The following DHX57 variants were observed in gnomAD, a reference collection of about 807,000 sequenced individuals.
DHX57 encodes DExH-box helicase 57.
A neutral mutation model predicts 156.2 loss-of-function variants in DHX57; 105 were observed. The ratio of observed to expected loss-of-function variants is 0.67; its 90% confidence interval spans 0.57 to 0.79. The LOEUF (loss-of-function observed/expected upper bound fraction) is 0.79, where lower values mean the gene tolerates loss of function less well. Ranked by LOEUF, DHX57 falls within the 30% of genes least tolerant of loss-of-function variation. DHX57 has a pLI of 0.00. For missense variants in DHX57, 1,847 were observed against 1,661.9 expected (o/e 1.11, Z -1.94); for synonymous variants, 704 against 595.6 (o/e 1.18, Z -2.65).
At chr2:38,812,031 T>C (rs1444177423) in intron 21 of DHX57, among the ~76,000 whole-genome samples, 1 of 152,160 alleles carries the variant, frequency 6.6e-6, no homozygotes, top group Non-Finnish European at 1.5e-5. Context: ...AGTGCTTGGA[T>C]TATAGGCATG....
intron 6 of DHX57, among the ~76,000 whole-genome samples, chr2:38,857,913 T>G (rs537065604): frequency 5.9e-5 from 9 of 152,240 alleles, no homozygotes; most frequent in Non-Finnish European, 1.3e-4. Context: ...GTATTTGTTT[T>G]GTTTTGTTTT....
chr2:38,854,827 G>T (rs1222843910), intron 8 of DHX57: 3 of 381,172 alleles, frequency 7.9e-6, no homozygotes, highest in Non-Finnish European at 1.4e-5. Context: ...CTCTCAAAGT[G>T]CTGGGATTAC....
At chr2:38,865,698 T>A (rs1665033136) in intron 2 of DHX57, among the ~76,000 whole-genome samples, 1 of 152,158 alleles carries the variant, frequency 6.6e-6, no homozygotes, top group South Asian at 2.1e-4. Flanking sequence ...ACCTAGAGTG[T>A]CCCAGGGCTC....
intron 17 of DHX57, among the ~76,000 whole-genome samples, chr2:38,822,110 A>T (rs1670848933): frequency 6.6e-6 from 1 of 152,014 alleles, no homozygotes; most frequent in South Asian, 2.1e-4. Context: ...TTGAGACGGA[A>T]TTTCGCTCTT....
intron 22 of DHX57, among the ~76,000 whole-genome samples, chr2:38,805,190 G>C (rs1339027391): frequency 2.0e-5 from 3 of 152,162 alleles, no homozygotes; most frequent in Non-Finnish European, 4.4e-5. Context: ...AGCTAACTCA[G>C]GCGTCTGGTT....
chr2:38,861,301 G>T lies in DHX57; in HGVS notation c.1109C>A (p.Pro370Gln). Reference protein sequence around the residue: ...SKDHKYPYQAPLVAFYSTNEN... With the variant: ...SKDHKYPYQAQLVAFYSTNEN... ...ATTGGTGGAATAAAATGCCACGAGC[G>T]GAGCTTGGTAGGGATATTTGTGGTC... The change falls in exon 5 of 24, where the codon CCG becomes CAG. Residue 370 changes from proline to glutamine, a missense_variant. Coordinates refer to ENST00000457308, the MANE Select transcript of DHX57 (RefSeq NM_198963.3). 1 of 1,614,122 alleles carries T rather than the reference G, an allele frequency of 6.2e-7. No individual in the cohort carries two copies. Among genetic ancestry groups the T allele is most frequent in the Non-Finnish European group, 8.5e-7 (1 of 1,180,030 alleles).
intron 1 of DHX57, among the ~76,000 whole-genome samples, chr2:38,870,202 G>C (rs867244837): frequency 1.3e-5 from 2 of 151,986 alleles, no homozygotes; most frequent in African/African-American, 4.8e-5. Context: ...AGTGAACAGA[G>C]CCTTGGAAAA....
At chr2:38,863,644 T>C (rs1354471672) in intron 2 of DHX57, 125 bp from the exon 3 acceptor site, 9 of 870,824 alleles carry the variant, frequency 1.0e-5, no homozygotes, top group African/African-American at 1.7e-5. Flanking sequence ...AAGATGACAA[T>C]GAATGTGAGG....
At chr2:38,871,927 C>G (rs1276149906) in intron 1 of DHX57, among the ~76,000 whole-genome samples, 1 of 152,082 alleles carries the variant, frequency 6.6e-6, no homozygotes, top group African/African-American at 2.4e-5. Flanking sequence ...CCAGGATGGT[C>G]TCGATCTCTT....
chr2:38,853,966 G>T, intron 9 of DHX57, 88 bp downstream of exon 9: 1 of 1,323,264 alleles, frequency 7.6e-7, no homozygotes, highest in African/African-American at 1.5e-5. Context: ...CTAGCTGCAT[G>T]AAACTGAATT....
In DHX57 at chr2:38,798,195, C is replaced by G; in HGVS notation, c.*104G>C. The stretch of plus-strand genomic sequence containing the variant: ...GGCTTCATGCCCTGGGCTCCTCCAC[C>G]AGGGCCAGCCCCAATAGGTCTTTAG... On this transcript the variant is annotated 3_prime_UTR_variant, in exon 24 of 24. Coordinates refer to ENST00000457308, the MANE Select transcript of DHX57 (RefSeq NM_198963.3). The G allele has an allele frequency of 1.4e-6, 2 of 1,480,336 alleles. No homozygotes were observed. The highest frequency in any genetic ancestry group is 1.8e-6 in the Non-Finnish European group (2 of 1,105,910). 91.7% of individuals were successfully genotyped at this position (1,480,336 alleles called of 1,614,324 possible).
At chr2:38,867,591 C>G (rs954227999) in intron 2 of DHX57, among the ~76,000 whole-genome samples, 4 of 152,184 alleles carry the variant, frequency 2.6e-5, no homozygotes, top group African/African-American at 2.4e-5. Flanking sequence ...TGGAGTCTCA[C>G]TCTGTCACCC....
At chr2:38,868,546 G>T in intron 1 of DHX57, 135 bp from the exon 2 acceptor site, 1 of 934,480 alleles carries the variant, frequency 1.1e-6, no homozygotes. Flanking sequence ...CTGGTCTTGG[G>T]GCAGGATTCT....
At chr2:38,842,939 T>A in intron 12 of DHX57, 66 bp downstream of exon 12, 1 of 1,537,860 alleles carries the variant, frequency 6.5e-7, no homozygotes. Flanking sequence ...TTCTTCCGAA[T>A]CTTGGTAAGA....
At chr2:38,850,063 T>C (rs1484087611) in intron 9 of DHX57, among the ~76,000 whole-genome samples, 3 of 152,188 alleles carry the variant, frequency 2.0e-5, no homozygotes, top group Non-Finnish European at 4.4e-5. Context: ...TCTACAACAA[T>C]GCCTGGGACA....
At chr2:38,811,345 C>A (rs1476910538) in intron 21 of DHX57, 1 of 527,048 alleles carries the variant, frequency 1.9e-6, no homozygotes, top group African/African-American at 1.9e-5. Context: ...CATACTTTGC[C>A]CCCTCCCACT....
intron 13 of DHX57, among the ~76,000 whole-genome samples, chr2:38,829,107 A>G (rs1444009020): frequency 6.6e-6 from 1 of 151,740 alleles, no homozygotes; most frequent in Non-Finnish European, 1.5e-5. Flanking sequence ...ACGCCCGGCT[A>G]ATTTTTTATA....
intron 1 of DHX57, among the ~76,000 whole-genome samples, chr2:38,870,254 A>C (rs1361566951): frequency 6.6e-6 from 1 of 152,184 alleles, no homozygotes; most frequent in Admixed American, 6.5e-5. Flanking sequence ...TATAATGAGA[A>C]TACCAGAAGG....
chr2:38,844,199 G>A (rs1235998106), intron 11 of DHX57, among the ~76,000 whole-genome samples: 1 of 152,140 alleles, frequency 6.6e-6, no homozygotes, highest in African/African-American at 2.4e-5. Context: ...GGTGACGGTG[G>A]TGGTATGGTA....
Sources: gnomAD v4.1 joint callset for allele counts (sites outside exome capture counted in the v4.1 genomes callset) on GRCh38, gnomAD v4.1.1 for gene constraint, MANE v1.5 for transcripts, NCBI Gene and HGNC (gene_info 2026-07-23, HGNC 2026-07-21) for gene names.